Variants in MSH3 observed in about 807,000 individuals in gnomAD.
MSH3 encodes the protein DNA mismatch repair protein Msh3.
Under a neutral mutation model 123.3 loss-of-function variants are expected in MSH3, and 106 were observed. The ratio of observed to expected loss-of-function variants is 0.86; its 90% CI spans 0.73 to 1.01. The LOEUF (loss-of-function observed/expected upper bound fraction) is 1.01. MSH3 is among the 50% of genes least tolerant of loss of function. MSH3 has a pLI of 0.00. For synonymous variants in MSH3, 515 were observed against 481.4 expected (o/e 1.07, Z -0.91); for missense variants, 1,459 against 1,347.6 (o/e 1.08, Z -1.29).
intron 22 of MSH3, 29 bp from the exon 23 acceptor site, chr5:80,873,087 A>C (rs1468917331): frequency 6.3e-7 from 1 of 1,598,554 alleles, no homozygotes; most frequent in Non-Finnish European, 8.6e-7. Context: ...TTTCAGGCAC[A>C]GTTTTGATCT....
intron 20 of MSH3, among the ~76,000 whole-genome samples, chr5:80,840,485 C>T (rs1183249545): frequency 1.3e-5 from 2 of 152,000 alleles, no homozygotes; most frequent in South Asian, 2.1e-4. Context: ...ATAATCTCAG[C>T]TCACTGCAAA....
At chr5:80,866,351 C>G (rs995364434) in intron 22 of MSH3, among the ~76,000 whole-genome samples, 1 of 152,172 alleles carries the variant, frequency 6.6e-6, no homozygotes, top group African/African-American at 2.4e-5. Context: ...GTTGCCCAGG[C>G]TGGTCTCAAA....
chr5:80,749,429 C>T (rs558030098), intron 12 of MSH3, among the ~76,000 whole-genome samples: 29 of 152,306 alleles, frequency 1.9e-4, no homozygotes, highest in Non-Finnish European at 3.7e-4. Context: ...TCTCTGCCTG[C>T]TTTTATCATA....
chr5:80,716,148 G>C (rs763081940), intron 8 of MSH3, among the ~76,000 whole-genome samples: 7 of 152,168 alleles, frequency 4.6e-5, no homozygotes, highest in Non-Finnish European at 1.0e-4. Context: ...TGGTAGAAAT[G>C]CCTGTGAATG....
intron 20 of MSH3, among the ~76,000 whole-genome samples, chr5:80,845,807 CT>C (rs1745709914): frequency 6.6e-6 from 1 of 152,036 alleles, no homozygotes; most frequent in African/African-American, 2.4e-5. Context: ...TTCATCTAAC[CT>C]TTTTTCAAGG....
chr5:80,794,955 TAACA>T (rs1225302040), intron 19 of MSH3, among the ~76,000 whole-genome samples: 3 of 152,118 alleles, frequency 2.0e-5, no homozygotes, highest in Non-Finnish European at 4.4e-5. Context: ...TGCAGGGGAA[TAACA>T]AACAGCCAGC....
intron 8 of MSH3, among the ~76,000 whole-genome samples, chr5:80,682,260 A>G (rs776319039): frequency 6.6e-6 from 1 of 152,280 alleles, no homozygotes; most frequent in East Asian, 1.9e-4. Flanking sequence ...TGAGTAAGTT[A>G]TCTACTGTAT....
intron 1 of MSH3, among the ~76,000 whole-genome samples, chr5:80,656,154 C>T (rs1275705045): frequency 6.6e-6 from 1 of 152,150 alleles, no homozygotes; most frequent in Non-Finnish European, 1.5e-5. Flanking sequence ...GAATCAAGAC[C>T]GGTAGCAGCC....
At chr5:80,717,114 G>A (rs761186866) in intron 8 of MSH3, among the ~76,000 whole-genome samples, 16 of 152,110 alleles carry the variant, frequency 1.1e-4, no homozygotes, top group Non-Finnish European at 2.2e-4. Flanking sequence ...ATCCATTGAT[G>A]GACACTTAGG....
intron 20 of MSH3, among the ~76,000 whole-genome samples, chr5:80,815,754 C>T (rs1745093385): frequency 6.6e-6 from 1 of 152,164 alleles, no homozygotes; most frequent in African/African-American, 2.4e-5. Context: ...CTGACCAGAA[C>T]TGTGTCTCAT....
intron 12 of MSH3, among the ~76,000 whole-genome samples, chr5:80,757,538 T>C (rs2112877332): frequency 6.6e-6 from 1 of 152,262 alleles, no homozygotes; most frequent in East Asian, 1.9e-4. Context: ...AGTCCTTTCA[T>C]CTTTGGTAGT....
chr5:80,799,369 A>G (rs750625329), intron 19 of MSH3, among the ~76,000 whole-genome samples: 4 of 152,040 alleles, frequency 2.6e-5, no homozygotes, highest in Non-Finnish European at 4.4e-5. Context: ...GTTGATTGAC[A>G]TTTTCGAGGA....
chr5:80,692,429 T>G (rs1345307938), intron 8 of MSH3, among the ~76,000 whole-genome samples: 2,608 of 32,988 alleles, frequency 0.079, 299 homozygotes, highest in Middle Eastern at 0.22. Flanking sequence ...TATGTTTAGA[T>G]AGATAAACAT....
intron 8 of MSH3, among the ~76,000 whole-genome samples, chr5:80,699,325 G>A (rs866683707): frequency 2.6e-5 from 4 of 152,150 alleles, no homozygotes; most frequent in Middle Eastern, 3.4e-3. Flanking sequence ...ATGGGAGGAC[G>A]AGATGGGTGG....
chr5:80,815,896 A>G (rs1745095181), intron 20 of MSH3, among the ~76,000 whole-genome samples: 1 of 152,226 alleles, frequency 6.6e-6, no homozygotes, highest in African/African-American at 2.4e-5. Flanking sequence ...GTGTGGAATC[A>G]GTAATAATAG....
intron 19 of MSH3, among the ~76,000 whole-genome samples, 194 bp from the exon 20 acceptor site, chr5:80,813,390 T>C (rs1206590478): frequency 6.6e-6 from 1 of 152,266 alleles, no homozygotes; most frequent in African/African-American, 2.4e-5. Flanking sequence ...CAGGAATAGC[T>C]GTGTGTACTG....
intron 20 of MSH3, 71 bp from the exon 21 acceptor site, chr5:80,854,059 C>T: frequency 8.3e-7 from 1 of 1,206,620 alleles, no homozygotes; most frequent in East Asian, 2.5e-5. Flanking sequence ...ATTTATTGTT[C>T]ATAAAATAAT....
At chr5:80,727,354 A>G (rs750391086) in intron 9 of MSH3, among the ~76,000 whole-genome samples, 11 of 152,358 alleles carry the variant, frequency 7.2e-5, no homozygotes, top group Non-Finnish European at 1.2e-4. Context: ...ATAAACACCT[A>G]TAGTTAAAAT....
chr5:80,787,852 T>C (rs1315493552), intron 18 of MSH3, among the ~76,000 whole-genome samples, 180 bp downstream of exon 18: 1 of 152,244 alleles, frequency 6.6e-6, no homozygotes, highest in Non-Finnish European at 1.5e-5. Context: ...TTGCTTCCTC[T>C]GTCACTGAGT....
Sources: gnomAD v4.1 joint callset for allele counts (sites outside exome capture counted in the v4.1 genomes callset) on GRCh38, gnomAD v4.1.1 for gene constraint, MANE v1.5 for transcripts, NCBI Gene and HGNC (gene_info 2026-07-23, HGNC 2026-07-21) for gene names.